The following CTBP1 variants were observed in gnomAD, a reference collection of about 807,000 sequenced individuals.
CTBP1 encodes the protein C-terminal binding protein 1.
CTBP1 carries 11 observed loss-of-function variants against 42.1 expected under a neutral mutation model. That is an observed-to-expected ratio of 0.26 (90% confidence interval 0.16 to 0.43). The LOEUF is 0.43. CTBP1 is among the 20% of genes least tolerant of loss of function. The pLI, the probability that CTBP1 is intolerant of heterozygous loss-of-function variation, is 1.00. For missense variants in CTBP1, 399 were observed against 624.3 expected (o/e 0.64, Z 3.85); for synonymous variants, 324 against 277.1 (o/e 1.17, Z -1.68).
At chr4:1,248,772 G>C (rs1385866828) in intron 1 of CTBP1, 144 bp downstream of exon 1, 10 of 968,936 alleles carry the variant, frequency 1.0e-5, no homozygotes, top group African/African-American at 1.8e-5. Flanking sequence ...GCCACGCGCG[G>C]ACGCCGGCGC....
At chr4:1,212,845 C>T in intron 9 of CTBP1, 68 bp downstream of exon 9, 1 of 1,366,324 alleles carries the variant, frequency 7.3e-7, no homozygotes. Flanking sequence ...CCACCAGGGG[C>T]TGTGCTGGGA....
Position 1,238,125 on chromosome 4 carries a change from C to T in CTBP1, c.162+58G>A. The T allele has an allele frequency of 1.2e-6, 2 of 1,609,022 alleles. No individual in the cohort carries two copies. The highest frequency in any genetic ancestry group is 1.7e-4 in the Middle Eastern group (1 of 6,056). ...TGGCCCGGGCCTGCCGTGCTCCCGT[C>T]CCTCCAACTCCCCCCAACGTGCGGT... On this transcript the variant is annotated intron_variant, in intron 3 of 9. Transcript: ENST00000382952. The surrounding 1 kb of genome is among the most constrained non-coding windows in gnomAD (Gnocchi z 5.9).
At chr4:1,244,703 C>T in intron 1 of CTBP1, 1 of 985,300 alleles carries the variant, frequency 1.0e-6, no homozygotes, top group Non-Finnish European at 1.2e-6. Flanking sequence ...GGCCCTCACC[C>T]TGCCCTGTCC....
intron 3 of CTBP1, chr4:1,234,865 C>G (rs1283195584): frequency 1.3e-5 from 2 of 152,218 alleles, no homozygotes; most frequent in East Asian, 3.9e-4. Flanking sequence ...GTGGACATGC[C>G]CACGTGACGT....
chr4:1,227,502 G>A (rs1299328349), intron 4 of CTBP1, among the ~76,000 whole-genome samples: 2 of 149,882 alleles, frequency 1.3e-5, no homozygotes, highest in Non-Finnish European at 3.0e-5. Flanking sequence ...GTGCACGGGT[G>A]CAGATGAGTG....
At chr4:1,232,665 T>C (rs1731077772) in intron 3 of CTBP1, among the ~76,000 whole-genome samples, 1 of 152,204 alleles carries the variant, frequency 6.6e-6, no homozygotes, top group South Asian at 2.1e-4. Flanking sequence ...TTTTCCTCTG[T>C]AGTATCACAT....
Position 1,213,334 on chromosome 4 carries a change from G to A in CTBP1, c.988+144C>T, listed in dbSNP as rs1050141962. ...GCTCAACTTGACTTTGGCCTTAGAG[G>A]TCCCTGCTGGGGGTGCAGTGAGAGC... is the stretch of plus-strand genomic sequence containing the variant. On this transcript the variant is annotated intron_variant, in intron 8 of 9. Coordinates refer to ENST00000382952, the MANE Select transcript of CTBP1 (RefSeq NM_001012614.2). 4.7e-5 allele frequency: 63 copies of A among 1,336,164 alleles called. No individual in the cohort carries two copies. In the African/African-American group the frequency reaches 7.2e-4, roughly 15 times the overall value. 82.8% of individuals were successfully genotyped at this position (1,336,164 alleles called of 1,614,324 possible).
Position 1,238,325 on chromosome 4 carries a change from G to A in CTBP1, c.20C>T (p.Pro7Leu). The A allele has an allele frequency of 1.3e-6, 2 of 1,573,708 alleles. No individual in the cohort carries two copies. The highest frequency in any genetic ancestry group is 1.7e-6 in the Non-Finnish European group (2 of 1,155,904). The change falls in exon 3 of 10, where the codon CCG becomes CTG. Residue 7 changes from proline to leucine, a missense_variant. By Grantham distance (98) the Pro-to-Leu change is moderately conservative. Transcript: ENST00000382952. This position sits in a 1 kb window ranked among gnomAD's most constrained non-coding sequence, Gnocchi z 5.9. MSGVRP[P>L]IMNGPLHPRP... ...CGGGTGCAGGGGCCCGTTCATGATC[G>A]GAGGTCGGACGCCTGCAAGACAGAG...
chr4:1,225,308 G>T, intron 5 of CTBP1, 52 bp downstream of exon 5: 1 of 1,503,348 alleles, frequency 6.7e-7, no homozygotes. Flanking sequence ...GCTGAAGAGC[G>T]GCAGCGCCAG....
intron 1 of CTBP1, 200 bp from the exon 2 acceptor site, chr4:1,241,719 T>A: frequency 1.6e-6 from 2 of 1,212,546 alleles, no homozygotes; most frequent in Non-Finnish European, 1.0e-6. Flanking sequence ...GCGCTCACCC[T>A]GAGGTTGCAG....
At position 1,235,636 on chromosome 4, in the gene CTBP1, C is replaced by T. The variant is rs973401427; in HGVS notation, c.162+2547G>A. The T allele has an allele frequency of 1.3e-5, 2 of 152,210 alleles. No individual in the cohort carries two copies. Among genetic ancestry groups the T allele is most frequent in the Non-Finnish European group, 2.9e-5 (2 of 68,058 alleles). 9.4% of individuals were successfully genotyped at this position (152,210 alleles called of 1,614,324 possible). On this transcript the variant is annotated intron_variant, in intron 3 of 9. Transcript: ENST00000382952. This position sits in a 1 kb window ranked among gnomAD's most constrained non-coding sequence, Gnocchi z 4.2. Reference sequence around the variant, plus strand: ...ACGCCCCGTTCCAGAGTCATCAGCTCTTCGTCGGTGTCTGGCCCAGCCTCC... The same window carrying T: ...ACGCCCCGTTCCAGAGTCATCAGCTTTTCGTCGGTGTCTGGCCCAGCCTCC...
rs1274014857 is a variant in CTBP1, at chr4:1,212,408, C to A, written c.1122G>T (p.Val374=). Reference sequence around the variant, plus strand: ...GGATGCCAGTGGGGGCCACGCCCACCACGCCCGGAGGGTACCTGCTGGGAG... The same window carrying A: ...GGATGCCAGTGGGGGCCACGCCCACAACGCCCGGAGGGTACCTGCTGGGAG... ...NGAAYRYPPG[V]VGVAPTGIPA... The change falls in exon 10 of 10, where the codon GTG becomes GTT. Residue 374 remains valine, a synonymous_variant. Coordinates refer to ENST00000382952, the MANE Select transcript of CTBP1 (RefSeq NM_001012614.2). 2.0e-6 allele frequency: 3 copies of A among 1,469,816 alleles called. No individual in the cohort carries two copies. The highest frequency in any genetic ancestry group is 1.8e-6 in the Non-Finnish European group (2 of 1,113,720). The allele number at this position is 1,469,816 out of a possible 1,614,324, so 91.0% of individuals were successfully genotyped here. A position where few individuals can be genotyped will look rare whatever the true frequency, so the allele number is the denominator to read the frequency against.
intron 5 of CTBP1, among the ~76,000 whole-genome samples, chr4:1,222,273 T>C (rs1391660608): frequency 6.6e-6 from 1 of 151,240 alleles, no homozygotes; most frequent in African/African-American, 2.4e-5. Flanking sequence ...CGGGGTGGGG[T>C]AGGGGTCCCG....
Position 1,233,806 on chromosome 4 carries a change from A to T in CTBP1, c.162+4377T>A, listed in dbSNP as rs1372099392. 1.3e-5 allele frequency among the ~76,000 whole-genome samples: 2 copies of T among 152,136 alleles called. No individual in the cohort carries two copies. The highest frequency in any genetic ancestry group is 4.8e-5 in the African/African-American group (2 of 41,438). On this transcript the variant is annotated intron_variant, in intron 3 of 9. Coordinates refer to ENST00000382952, the MANE Select transcript of CTBP1 (RefSeq NM_001012614.2). This position sits in a 1 kb window ranked among gnomAD's most constrained non-coding sequence, Gnocchi z 4.6. ...ACTCAGACGGCGGCGACCTCCAACC[A>T]GCTATGCGGGAAGTTTCTGCCCCAG...
chr4:1,219,191 T>C (rs1560237400), intron 5 of CTBP1, among the ~76,000 whole-genome samples: 2 of 151,614 alleles, frequency 1.3e-5, no homozygotes, highest in African/African-American at 4.8e-5. Context: ...ATAATAATAA[T>C]AACAATTAAT....
intron 3 of CTBP1, chr4:1,234,919 G>T (rs1008936605): frequency 6.6e-6 from 1 of 151,120 alleles, no homozygotes; most frequent in Admixed American, 6.6e-5. Flanking sequence ...GCCTGCCGGC[G>T]GCCCCCCCAC....
intron 4 of CTBP1, among the ~76,000 whole-genome samples, chr4:1,227,027 G>C (rs1476241723): frequency 2.0e-5 from 3 of 152,170 alleles, no homozygotes; most frequent in Non-Finnish European, 4.4e-5. Flanking sequence ...TACCAGCATC[G>C]AGAGGAGGAG....
Position 1,235,575 on chromosome 4 carries a change from T to C in CTBP1, c.162+2608A>G, listed in dbSNP as rs2108776838. The stretch of plus-strand genomic sequence containing the variant: ...TCCACCGATCAGCTTCGCCGTTTTC[T>C]CAGATCCGCATCTCATTTTCTCCCC... On this transcript the variant is annotated intron_variant, in intron 3 of 9. Coordinates refer to ENST00000382952, the MANE Select transcript of CTBP1 (RefSeq NM_001012614.2). The surrounding 1 kb of genome is among the most constrained non-coding windows in gnomAD (Gnocchi z 4.2). 6.6e-6 allele frequency: 1 copy of C among 152,272 alleles called. No homozygotes were observed. The highest frequency in any genetic ancestry group is 6.5e-5 in the Admixed American group (1 of 15,298). 9.4% of individuals were successfully genotyped at this position (152,272 alleles called of 1,614,324 possible). A position where few individuals can be genotyped will look rare whatever the true frequency, so the allele number is the denominator to read the frequency against.
Position 1,249,024 on chromosome 4 carries a change from G to A in CTBP1, c.-297C>T. 3.9e-6 allele frequency: 3 copies of A among 772,886 alleles called. No homozygotes were observed. The highest frequency in any genetic ancestry group is 4.7e-6 in the Non-Finnish European group (3 of 638,960). 47.9% of individuals were successfully genotyped at this position (772,886 alleles called of 1,614,324 possible). On this transcript the variant is annotated 5_prime_UTR_variant, in exon 1 of 10. Transcript: ENST00000382952. ...TGCGCCGCCGCGAGCCCGGCGCGTG[G>A]GGCGGCCTCGGCGCCGTCCGCTGCT...
Sources: allele counts gnomAD v4.1 joint callset (sites outside exome capture counted in the v4.1 genomes callset), GRCh38; gene constraint gnomAD v4.1.1; non-coding constraint Gnocchi (gnomAD v3.1); transcripts MANE v1.5; gene names NCBI Gene and HGNC (gene_info 2026-07-23, HGNC 2026-07-21).